Variants in MDFIC2 observed in about 807,000 individuals in gnomAD.
MDFIC2 encodes the protein MyoD family inhibitor domain containing 2, also known as myoD family inhibitor domain-containing protein 2.
intron 2 of MDFIC2, among the ~76,000 whole-genome samples, chr3:70,303,512 C>A (rs1387495333): frequency 6.6e-6 from 1 of 152,144 alleles, no homozygotes; most frequent in East Asian, 1.9e-4. Context: ...TTCTCCTGAA[C>A]CTAGATTTCC....
At chr3:70,250,477 A>G (rs1013018129) in intron 2 of MDFIC2, among the ~76,000 whole-genome samples, 9 of 151,530 alleles carry the variant, frequency 5.9e-5, no homozygotes, top group African/African-American at 2.2e-4. Flanking sequence ...ATGATTTCCA[A>G]CGAGATGTAA....
At chr3:70,199,768 T>C (rs771079130) in intron 3 of MDFIC2, among the ~76,000 whole-genome samples, 1 of 152,192 alleles carries the variant, frequency 6.6e-6, no homozygotes, top group Non-Finnish European at 1.5e-5. Context: ...CACTATTTCC[T>C]GGTGCTTTAA....
chr3:70,278,841 CTCAAA>C (rs907669341), intron 2 of MDFIC2, among the ~76,000 whole-genome samples: 1 of 151,814 alleles, frequency 6.6e-6, no homozygotes, highest in African/African-American at 2.4e-5. Flanking sequence ...AGCAAGCCAC[CTCAAA>C]TCAAAGGGTT....
Position 70,195,858 on chromosome 3 carries a change from T to C in MDFIC2, c.*1068A>G, listed in dbSNP as rs1387609401. Among the ~76,000 whole-genome samples, 3 of 152,198 alleles carry C rather than the reference T, an allele frequency of 2.0e-5. No homozygotes were observed. The highest frequency in any genetic ancestry group is 7.2e-5 in the African/African-American group (3 of 41,458). On this transcript the variant is annotated 3_prime_UTR_variant, in exon 4 of 4. Transcript: ENST00000567252. Reference sequence around the variant, plus strand: ...TTTCACCACAAACTGTTTAAACTTATTTGAGTCGAAAATCACTTTCCAGTC... The same window carrying C: ...TTTCACCACAAACTGTTTAAACTTACTTGAGTCGAAAATCACTTTCCAGTC...
chr3:70,226,734 T>C (rs1701510303), intron 2 of MDFIC2, among the ~76,000 whole-genome samples: 1 of 118,972 alleles, frequency 8.4e-6, no homozygotes, highest in African/African-American at 3.8e-5. Context: ...AGAGACTCTG[T>C]CTTAAAAAAA....
intron 2 of MDFIC2, among the ~76,000 whole-genome samples, chr3:70,254,522 C>T (rs1701796840): frequency 6.6e-6 from 1 of 152,090 alleles, no homozygotes; most frequent in African/African-American, 2.4e-5. Context: ...TTAGTTTTCA[C>T]TTAGAGAGCT....
At chr3:70,247,391 TA>T (rs1049552990) in intron 2 of MDFIC2, among the ~76,000 whole-genome samples, 1 of 151,984 alleles carries the variant, frequency 6.6e-6, no homozygotes, top group African/African-American at 2.4e-5. Flanking sequence ...ATAATTTTTT[TA>T]AAGCCCACCA....
chr3:70,248,530 G>C (rs1006573284), intron 2 of MDFIC2, among the ~76,000 whole-genome samples: 5 of 151,944 alleles, frequency 3.3e-5, no homozygotes, highest in African/African-American at 1.2e-4. Context: ...ATTAAACAAA[G>C]GAGAATTTAA....
rs906873789 is a variant in MDFIC2, at chr3:70,260,345, C to A, written c.88+51541G>T. 2.0e-5 allele frequency among the ~76,000 whole-genome samples: 3 copies of A among 152,202 alleles called. No individual in the cohort carries two copies. The East Asian group carries it at 5.8e-4, about 29-fold the overall frequency. On this transcript the variant is annotated intron_variant, in intron 2 of 3. Transcript: ENST00000567252. ...TGCCAGTCATATTGGATTTAGGGGC[C>A]CACTCTACTCCGGTACGACTTTATC... is the stretch of plus-strand genomic sequence containing the variant.
chr3:70,238,615 A>G (rs1701636069), intron 2 of MDFIC2, among the ~76,000 whole-genome samples: 1 of 151,782 alleles, frequency 6.6e-6, no homozygotes, highest in Non-Finnish European at 1.5e-5. Flanking sequence ...GTCTCAAAAA[A>G]GAAAAAAAAA....
intron 2 of MDFIC2, among the ~76,000 whole-genome samples, chr3:70,228,593 G>T (rs148832243): frequency 3.3e-5 from 5 of 149,710 alleles, no homozygotes; most frequent in Admixed American, 1.3e-4. Context: ...TTTCAGAGTC[G>T]ACTTACTGGA....
chr3:70,260,627 A>G (rs1701857397), intron 2 of MDFIC2, among the ~76,000 whole-genome samples: 1 of 152,014 alleles, frequency 6.6e-6, no homozygotes, highest in South Asian at 2.1e-4. Flanking sequence ...TAGTGGCTGC[A>G]TCACTCCATG....
chr3:70,206,539 T>C, intron 3 of MDFIC2, 30 bp downstream of exon 3: 1 of 397,442 alleles, frequency 2.5e-6, no homozygotes, highest in Non-Finnish European at 4.4e-6. Context: ...GAGCTTTATT[T>C]AGAGATGGGT....
chr3:70,281,158 C>T (rs1453265506), intron 2 of MDFIC2, among the ~76,000 whole-genome samples: 1 of 152,124 alleles, frequency 6.6e-6, no homozygotes, highest in Non-Finnish European at 1.5e-5. Context: ...GAAATTTTCT[C>T]TTGGCCCCTA....
intron 2 of MDFIC2, among the ~76,000 whole-genome samples, chr3:70,265,678 T>A (rs1701910767): frequency 6.6e-6 from 1 of 152,216 alleles, no homozygotes. Flanking sequence ...TAGTCCATTC[T>A]CACACTGCTG....
At chr3:70,277,641 C>T (rs1275831324) in intron 2 of MDFIC2, among the ~76,000 whole-genome samples, 1 of 152,156 alleles carries the variant, frequency 6.6e-6, no homozygotes, top group Non-Finnish European at 1.5e-5. Context: ...TGGTTTATTT[C>T]TTCTAATGAA....
intron 2 of MDFIC2, among the ~76,000 whole-genome samples, chr3:70,285,373 C>A (rs1232258188): frequency 4.6e-5 from 7 of 152,010 alleles, no homozygotes; most frequent in Non-Finnish European, 1.5e-5. Context: ...CATGTCCCTA[C>A]AAAGGACATG....
intron 2 of MDFIC2, among the ~76,000 whole-genome samples, chr3:70,250,445 A>T (rs186397342): frequency 6.6e-6 from 1 of 150,696 alleles, no homozygotes; most frequent in African/African-American, 2.4e-5. Flanking sequence ...ACACACACAC[A>T]CACACAAACA....
intron 2 of MDFIC2, among the ~76,000 whole-genome samples, chr3:70,224,806 A>T (rs1340688992): frequency 6.6e-6 from 1 of 152,084 alleles, no homozygotes; most frequent in Admixed American, 6.6e-5. Flanking sequence ...TGATAATATC[A>T]CTGTAATTTT....
Sources: gnomAD v4.1 joint callset for allele counts (sites outside exome capture counted in the v4.1 genomes callset) on GRCh38, gnomAD v4.1.1 for gene constraint, MANE v1.5 for transcripts, NCBI Gene and HGNC (gene_info 2026-07-23, HGNC 2026-07-21) for gene names.